The following LMLN variants were observed in gnomAD, a reference collection of about 807,000 sequenced individuals.
LMLN encodes the protein leishmanolysin-like peptidase.
Under a neutral mutation model 92.3 loss-of-function variants are expected in LMLN, and 70 were observed. The observed-to-expected ratio is 0.76, with a 90% CI of 0.63 to 0.92. LMLN has a LOEUF of 0.92. Ranked by LOEUF, LMLN falls within the 40% of genes least tolerant of loss-of-function variation. The pLI is 0.00. For synonymous variants in LMLN, 308 were observed against 296.2 expected (o/e 1.04, Z -0.41); for missense variants, 691 against 814.6 (o/e 0.85, Z 1.85).
intron 11 of LMLN, among the ~76,000 whole-genome samples, chr3:198,014,239 T>C (rs1722547492): frequency 1.4e-5 from 2 of 145,334 alleles, no homozygotes; most frequent in Admixed American, 6.8e-5. Context: ...GACTTCTCTG[T>C]ATCCTTCAGA....
intron 12 of LMLN, among the ~76,000 whole-genome samples, chr3:198,021,087 A>T (rs1210132581): frequency 6.6e-6 from 1 of 152,156 alleles, no homozygotes; most frequent in African/African-American, 2.4e-5. Context: ...CTCTTGAAAA[A>T]TTTATTTAAA....
Position 197,993,937 on chromosome 3 carries a change from T to G in LMLN, c.1048-2238T>G, listed in dbSNP as rs575237175. On this transcript the variant is annotated intron_variant, in intron 9 of 15. Transcript: ENST00000330198. ...ACATTGATGAATGGAACAGAATAAA[T>G]TATGATTAATTTATTGACTTGATTA... Among the ~76,000 whole-genome samples the G allele has an allele frequency of 7.4e-4, 112 of 152,180 alleles. 1 individual carries two copies. The highest frequency in any genetic ancestry group is 2.6e-3 in the African/African-American group (109 of 41,540).
At chr3:197,961,434 C>T (rs1276450429) in intron 1 of LMLN, among the ~76,000 whole-genome samples, 1 of 152,190 alleles carries the variant, frequency 6.6e-6, no homozygotes, top group East Asian at 1.9e-4. Context: ...TACATGCATA[C>T]TCTTCATAAC....
At chr3:198,009,390 T>G (rs953223735) in intron 11 of LMLN, among the ~76,000 whole-genome samples, 4 of 152,216 alleles carry the variant, frequency 2.6e-5, no homozygotes, top group Admixed American at 2.6e-4. Context: ...GTAATTCCTC[T>G]CTTTATCTCT....
intron 11 of LMLN, among the ~76,000 whole-genome samples, chr3:198,015,369 A>C (rs1722602225): frequency 2.1e-5 from 1 of 48,328 alleles, no homozygotes; most frequent in Non-Finnish European, 3.8e-5. Context: ...GAGCCCCCTA[A>C]CTAGTCTGAC....
At chr3:197,966,128 T>C (rs1271851335) in intron 1 of LMLN, among the ~76,000 whole-genome samples, 1 of 152,168 alleles carries the variant, frequency 6.6e-6, no homozygotes. Context: ...CTGCAACCTC[T>C]GCCTCCTGGG....
chr3:198,010,876 AAT>A (rs1220356812), intron 11 of LMLN, among the ~76,000 whole-genome samples: 8 of 152,316 alleles, frequency 5.3e-5, no homozygotes, highest in Admixed American at 2.0e-4. Flanking sequence ...CACAAATTCC[AAT>A]ATGTTATATT....
chr3:198,041,505 G>A (rs1723403183), exon 16 of LMLN: 1 of 152,136 alleles, frequency 6.6e-6, no homozygotes, highest in Admixed American at 6.5e-5. Context: ...TTGGGTCCAT[G>A]CCCAAGATAC....
At chr3:197,976,519 C>A in intron 4 of LMLN, 79 bp from the exon 5 acceptor site, 1 of 679,910 alleles carries the variant, frequency 1.5e-6, no homozygotes, top group South Asian at 2.2e-5. Context: ...TAGCAGCTAC[C>A]AGTTGGTTTC....
At chr3:197,984,108 CATTTTT>C in intron 7 of LMLN, 60 bp downstream of exon 7, 2 of 1,016,986 alleles carry the variant, frequency 2.0e-6, no homozygotes, top group Non-Finnish European at 3.1e-6. Flanking sequence ...AGTATGTTCT[CATTTTT>C]ATACATATAT....
intron 13 of LMLN, among the ~76,000 whole-genome samples, chr3:198,024,247 T>G (rs111952549): frequency 0.068 from 9,944 of 146,798 alleles, 403 homozygotes; most frequent in African/African-American, 0.11. Context: ...ACGGAGTCTC[T>G]CTCTGTCGCC....
At chr3:197,998,822 G>T (rs933589968) in intron 10 of LMLN, among the ~76,000 whole-genome samples, 2 of 152,156 alleles carry the variant, frequency 1.3e-5, no homozygotes, top group Non-Finnish European at 1.5e-5. Flanking sequence ...CACTTGTTTT[G>T]CATGTTACAC....
chr3:197,985,708 C>T (rs377216522), intron 7 of LMLN, 88 bp from the exon 8 acceptor site: 87 of 800,642 alleles, frequency 1.1e-4, no homozygotes, highest in East Asian at 4.9e-4. Flanking sequence ...TCTACGTTCC[C>T]GTTAGTATCA....
intron 4 of LMLN, 189 bp downstream of exon 4, chr3:197,976,300 C>A: frequency 2.0e-6 from 1 of 497,752 alleles, no homozygotes; most frequent in Non-Finnish European, 3.6e-6. Context: ...CCTGACCTTT[C>A]ATTGTGAGAT....
intron 7 of LMLN, 177 bp from the exon 8 acceptor site, chr3:197,985,619 A>G (rs1284444518): frequency 1.9e-5 from 8 of 411,978 alleles, no homozygotes; most frequent in Non-Finnish European, 3.5e-5. Flanking sequence ...CAGAATTTAA[A>G]ATTTATAAAT....
In LMLN at chr3:198,019,736, C is replaced by T. The variant is rs956467725; in HGVS notation, c.1365+351C>T. Among the ~76,000 whole-genome samples the T allele has an allele frequency of 1.3e-5, 2 of 152,280 alleles. No individual in the cohort carries two copies. Among genetic ancestry groups the T allele is most frequent in the African/African-American group, 2.4e-5 (1 of 41,552 alleles). Reference sequence around the variant, plus strand: ...AGAAAATAACTTAAGTACTCCAATCCAGTTAATTAGAAGACTTGGAAACCC... The same window carrying T: ...AGAAAATAACTTAAGTACTCCAATCTAGTTAATTAGAAGACTTGGAAACCC... On this transcript the variant is annotated intron_variant, in intron 12 of 15. Coordinates refer to ENST00000330198, the Ensembl canonical transcript of LMLN. This position sits in a 1 kb window ranked among gnomAD's most constrained non-coding sequence, Gnocchi z 5.5.
At chr3:197,966,047 A>T (rs531060938) in intron 1 of LMLN, among the ~76,000 whole-genome samples, 1 of 151,952 alleles carries the variant, frequency 6.6e-6, no homozygotes, top group African/African-American at 2.4e-5. Flanking sequence ...TGTTTATTGC[A>T]TGTTTTTATT....
Position 198,019,337 on chromosome 3 carries a change from C to T in LMLN, c.1317C>T (p.Ala439=), listed in dbSNP as rs188335202. The stretch of plus-strand genomic sequence containing the variant: ...GCAGACAGGACCAGAGAGCAGTTGC[C>T]GTGTGTAATTTGCAGAAGTTCCCTA... Residue 439 remains alanine, a synonymous_variant, in exon 12 of 16, where the codon GCC becomes GCT. Coordinates refer to ENST00000330198, the Ensembl canonical transcript of LMLN. The surrounding 1 kb of genome is among the most constrained non-coding windows in gnomAD (Gnocchi z 5.5). 34 of 1,614,072 alleles carry T rather than the reference C, an allele frequency of 2.1e-5. No homozygotes were observed. In the African/African-American group the frequency reaches 2.4e-4, roughly 11 times the overall value.
intron 3 of LMLN, 149 bp from the exon 4 acceptor site, chr3:197,975,880 T>C (rs2109857593): frequency 1.9e-6 from 1 of 534,246 alleles, no homozygotes. Flanking sequence ...ACTCTCTTCC[T>C]ACCCCTTGCC....
Sources: gnomAD v4.1 joint callset for allele counts (sites outside exome capture counted in the v4.1 genomes callset) on GRCh38, gnomAD v4.1.1 for gene constraint, Gnocchi (gnomAD v3.1) non-coding constraint, MANE v1.5 for transcripts, NCBI Gene and HGNC (gene_info 2026-07-23, HGNC 2026-07-21) for gene names.